Variants in AGBL1 observed in about 807,000 individuals in gnomAD.
The protein encoded by AGBL1 is cytosolic carboxypeptidase 4.
Under a neutral mutation model 118.9 loss-of-function variants are expected in AGBL1, and 130 were observed. The ratio of observed to expected loss-of-function variants is 1.09; its 90% CI spans 0.95 to 1.26. The LOEUF (loss-of-function observed/expected upper bound fraction) is 1.26. Among genes scored for constraint, AGBL1 ranks in the 50% most tolerant of loss-of-function variants. The pLI is 0.00. For missense variants in AGBL1, 1,584 were observed against 1,298.1 expected (o/e 1.22, Z -3.38); for synonymous variants, 555 against 478.9 (o/e 1.16, Z -2.08).
chr15:86,885,122 T>TTACC (rs1555459609), intron 22 of AGBL1, among the ~76,000 whole-genome samples: 1 of 43,618 alleles, frequency 2.3e-5, no homozygotes, highest in African/African-American at 1.2e-4. Context: ...TAAAATAACT[T>TTACC]TACATACATA....
At chr15:86,397,586 C>A in intron 18 of AGBL1, 40 bp downstream of exon 18, 6 of 1,552,724 alleles carry the variant, frequency 3.9e-6, no homozygotes, top group Non-Finnish European at 5.3e-6. Flanking sequence ...CACAATTATG[C>A]TACCACAGTG....
At chr15:86,344,987 A>G (rs1275007537) in intron 17 of AGBL1, among the ~76,000 whole-genome samples, 7 of 152,160 alleles carry the variant, frequency 4.6e-5, no homozygotes, top group Admixed American at 2.6e-4. Flanking sequence ...CCTACAATTA[A>G]TTATTTAATC....
At chr15:86,730,318 A>G (rs1271608417) in intron 22 of AGBL1, among the ~76,000 whole-genome samples, 3 of 152,210 alleles carry the variant, frequency 2.0e-5, no homozygotes, top group Non-Finnish European at 4.4e-5. Context: ...AACAGAGTCA[A>G]CAGACAGAAT....
chr15:86,814,570 T>A (rs867052683), intron 22 of AGBL1, among the ~76,000 whole-genome samples: 4 of 152,322 alleles, frequency 2.6e-5, no homozygotes, highest in Admixed American at 6.5e-5. Context: ...AGTCTCCATA[T>A]TCCATCAGGT....
intron 17 of AGBL1, among the ~76,000 whole-genome samples, chr15:86,332,815 C>T (rs1479490343): frequency 6.6e-6 from 1 of 152,062 alleles, no homozygotes; most frequent in East Asian, 1.9e-4. Context: ...TAAAGCAAGT[C>T]TCAATAAATT....
At chr15:86,187,110 G>A (rs924839334) in intron 5 of AGBL1, among the ~76,000 whole-genome samples, 1 of 152,098 alleles carries the variant, frequency 6.6e-6, no homozygotes, top group African/African-American at 2.4e-5. Context: ...TGCTGCAAAC[G>A]CACACATTGG....
intron 6 of AGBL1, among the ~76,000 whole-genome samples, chr15:86,238,980 C>A (rs562577335): frequency 2.6e-5 from 4 of 151,812 alleles, no homozygotes; most frequent in African/African-American, 9.7e-5. Context: ...TAAGGTCCTT[C>A]ATTAGACATT....
rs938801925 is a variant in AGBL1 at position 87,006,996 on chromosome 15, GA to G, written c.3323+18913del. ...ATAGCAGAAAGTAAAACAAAGCAGG[GA>G]AAAACTAAGTCATGCTCTATCTGAA... On this transcript the variant is annotated intron_variant, in intron 24 of 24. Coordinates refer to the AGBL1 transcript ENST00000441037. Among the ~76,000 whole-genome samples, 94 of 152,234 alleles carry G rather than the reference GA, an allele frequency of 6.2e-4. 1 individual carries two copies. Among genetic ancestry groups the G allele is most frequent in the African/African-American group, 2.1e-3 (86 of 41,546 alleles).
intron 22 of AGBL1, among the ~76,000 whole-genome samples, chr15:86,699,012 A>C (rs1421234214): frequency 2.0e-5 from 3 of 152,094 alleles, no homozygotes; most frequent in African/African-American, 7.2e-5. Flanking sequence ...CTTTCTTTTC[A>C]AATAATAAAG....
At chr15:86,487,716 A>G (rs1483689388) in intron 18 of AGBL1, among the ~76,000 whole-genome samples, 1 of 152,052 alleles carries the variant, frequency 6.6e-6, no homozygotes, top group Non-Finnish European at 1.5e-5. Flanking sequence ...TGCATGATTA[A>G]TATTATTTTT....
rs975480027 is a variant in AGBL1 at position 86,697,308 on chromosome 15, G to C, written c.3158+22872G>C. On this transcript the variant is annotated intron_variant, in intron 22 of 22. Coordinates refer to ENST00000614907, the MANE Select transcript of AGBL1 (RefSeq NM_001386094.1). Reference sequence around the variant, plus strand: ...TTGTTCATTTTGAAATCTTTTTAAAGTCTTTGTTGGATTGGGTTATTTCAA... The same window carrying C: ...TTGTTCATTTTGAAATCTTTTTAAACTCTTTGTTGGATTGGGTTATTTCAA... Among the ~76,000 whole-genome samples the C allele has an allele frequency of 5.9e-5, 9 of 151,764 alleles. No individual in the cohort carries two copies. In the South Asian group the frequency reaches 1.9e-3, roughly 31 times the overall value.
chr15:86,639,185 G>C (rs968648184), intron 21 of AGBL1, among the ~76,000 whole-genome samples: 2 of 152,108 alleles, frequency 1.3e-5, no homozygotes, highest in Non-Finnish European at 2.9e-5. Flanking sequence ...ACTAGTTCCA[G>C]TCCACACTCA....
intron 22 of AGBL1, among the ~76,000 whole-genome samples, chr15:86,880,795 G>A (rs1180060094): frequency 2.0e-5 from 3 of 152,084 alleles, no homozygotes; most frequent in Non-Finnish European, 2.9e-5. Context: ...GTGTGCACGT[G>A]TGTGTGTGTA....
At chr15:86,474,961 A>AC (rs1257236801) in intron 18 of AGBL1, among the ~76,000 whole-genome samples, 2 of 152,248 alleles carry the variant, frequency 1.3e-5, no homozygotes, top group East Asian at 3.8e-4. Context: ...ACCCAGGCAA[A>AC]AGGGTCTGGA....
chr15:86,252,087 G>A lies in AGBL1; in HGVS notation c.735+4208G>A, dbSNP rs184722983. Reference sequence around the variant, plus strand: ...CCAGAGTTTCTACTTCAGTTGTTCCGAGGTGAGATGCAAGATTCTGCATTT... The same window carrying A: ...CCAGAGTTTCTACTTCAGTTGTTCCAAGGTGAGATGCAAGATTCTGCATTT... On this transcript the variant is annotated intron_variant, in intron 7 of 22. Transcript: ENST00000614907. 4.0e-3 allele frequency among the ~76,000 whole-genome samples: 603 copies of A among 152,284 alleles called. 5 individuals are homozygous for A. Among genetic ancestry groups the A allele is most frequent in the African/African-American group, 0.013 (551 of 41,542 alleles).
chr15:86,284,995 C>T (rs2079418804), intron 16 of AGBL1, among the ~76,000 whole-genome samples: 1 of 152,108 alleles, frequency 6.6e-6, no homozygotes, highest in South Asian at 2.1e-4. Flanking sequence ...CTGTGGCTTC[C>T]ACAGGGCTGT....
At chr15:86,495,054 C>A (rs1277023007) in intron 18 of AGBL1, among the ~76,000 whole-genome samples, 3 of 151,532 alleles carry the variant, frequency 2.0e-5, no homozygotes, top group Non-Finnish European at 2.9e-5. Context: ...ACATCCTGAA[C>A]CTGGCATCAG....
chr15:86,111,043 A>T (rs1300761274), intron 1 of AGBL1, among the ~76,000 whole-genome samples: 2 of 152,202 alleles, frequency 1.3e-5, no homozygotes, highest in African/African-American at 2.4e-5. Context: ...GAGCTGTCTG[A>T]ATGACTTACC....
intron 21 of AGBL1, among the ~76,000 whole-genome samples, chr15:86,663,397 T>A (rs949430858): frequency 1.3e-5 from 2 of 152,096 alleles, no homozygotes; most frequent in South Asian, 2.1e-4. Context: ...GAAGGAAAGT[T>A]CAAAATTAGG....
Sources: allele counts gnomAD v4.1 joint callset (sites outside exome capture counted in the v4.1 genomes callset), GRCh38; gene constraint gnomAD v4.1.1; transcripts MANE v1.5; gene names NCBI Gene and HGNC (gene_info 2026-07-23, HGNC 2026-07-21).